The following GRM7 variants were observed in gnomAD, a reference collection of about 807,000 sequenced individuals.
GRM7 encodes the protein glutamate metabotropic receptor 7.
Under a neutral mutation model 84.5 loss-of-function variants are expected in GRM7, and 35 were observed. The ratio of observed to expected loss-of-function variants is 0.41; its 90% confidence interval spans 0.32 to 0.55. GRM7 has a LOEUF of 0.55. Among genes scored for constraint, GRM7 ranks in the 20% least tolerant of loss-of-function variants. The pLI is 0.19. For synonymous variants in GRM7, 487 were observed against 455.1 expected, an observed-to-expected ratio of 1.07 and a Z score of -0.89; for missense variants, 1,003 against 1,194.6, an observed-to-expected ratio of 0.84 and a Z score of 2.36.
chr3:7,002,397 C>A (rs1267074481), intron 1 of GRM7, among the ~76,000 whole-genome samples: 3 of 152,078 alleles, frequency 2.0e-5, no homozygotes, highest in Admixed American at 6.6e-5. Context: ...TCCTATGTAC[C>A]ATTTAATAGA....
chr3:6,892,813 A>G (rs76908456), intron 1 of GRM7: 1,692 of 152,268 alleles, frequency 0.011, 12 homozygotes, highest in Middle Eastern at 0.054. Flanking sequence ...TGTCTTTGTT[A>G]CTTGAGGCTA....
rs201304706 is a variant in GRM7 at position 7,099,411 on chromosome 3, ATAT to A, written c.520-47037_520-47035del. Among the ~76,000 whole-genome samples, 393 of 148,824 alleles carry A rather than the reference ATAT, an allele frequency of 2.6e-3. 6 individuals are homozygous for A. The East Asian group carries it at 0.05, about 19-fold the overall frequency. ...TATACATTATATACATACATAATAC[ATAT>A]TATGCATGTATATACGTATACATTA... On this transcript the variant is annotated intron_variant, in intron 1 of 9. Coordinates refer to ENST00000357716, the MANE Select transcript of GRM7 (RefSeq NM_000844.4).
chr3:7,504,957 A>G (rs1201203816), intron 7 of GRM7, among the ~76,000 whole-genome samples: 1 of 152,190 alleles, frequency 6.6e-6, no homozygotes, highest in African/African-American at 2.4e-5. Context: ...GACTCAAGGT[A>G]TGATTCATCC....
intron 1 of GRM7, among the ~76,000 whole-genome samples, chr3:7,046,102 A>T (rs1236384244): frequency 1.3e-5 from 2 of 152,088 alleles, no homozygotes; most frequent in African/African-American, 4.8e-5. Context: ...GCTTGGGTTG[A>T]CTTTCCCTGA....
intron 2 of GRM7, among the ~76,000 whole-genome samples, chr3:7,237,627 T>A (rs1283676433): frequency 1.3e-5 from 2 of 152,086 alleles, no homozygotes; most frequent in Non-Finnish European, 2.9e-5. Flanking sequence ...GCCGCAGACC[T>A]TTGCAGTGAG....
intron 2 of GRM7, among the ~76,000 whole-genome samples, chr3:7,215,762 G>T (rs1392849264): frequency 2.0e-5 from 3 of 152,112 alleles, no homozygotes; most frequent in African/African-American, 4.8e-5. Context: ...AATGTCTTAT[G>T]GGTCTTAAAG....
chr3:7,048,878 C>G (rs982262738), intron 1 of GRM7, among the ~76,000 whole-genome samples: 5 of 151,886 alleles, frequency 3.3e-5, no homozygotes, highest in Admixed American at 2.6e-4. Context: ...CCCCCGGTAA[C>G]CACCATTCTG....
intron 7 of GRM7, among the ~76,000 whole-genome samples, chr3:7,536,101 C>T (rs1701232189): frequency 6.6e-6 from 1 of 152,108 alleles, no homozygotes; most frequent in Non-Finnish European, 1.5e-5. Context: ...CTCCTAGTAC[C>T]AAAAGTGTGT....
intron 7 of GRM7, among the ~76,000 whole-genome samples, chr3:7,488,145 C>G (rs567561902): frequency 6.6e-6 from 1 of 152,068 alleles, no homozygotes; most frequent in African/African-American, 2.4e-5. Flanking sequence ...GAATATTTAC[C>G]CTATGCCTGT....
In GRM7 at chr3:7,679,307, T is replaced by C. The variant is rs555432353; in HGVS notation, c.2452-742T>C. On this transcript the variant is annotated intron_variant, in intron 8 of 9. Transcript: ENST00000357716. ...AACCCTGGGAAGGCAAGACAGGGGA[T>C]CAGGGGGTCAGGGAGTTGGGAAATA... Among the ~76,000 whole-genome samples the C allele has an allele frequency of 2.0e-5, 3 of 152,262 alleles. No homozygotes were observed. The South Asian group carries it at 6.2e-4, about 32-fold the overall frequency.
chr3:7,653,180 CTTTTTTTTTTT>C (rs1218949173), intron 8 of GRM7, among the ~76,000 whole-genome samples: 1 of 89,520 alleles, frequency 1.1e-5, no homozygotes, highest in South Asian at 4.3e-4. Context: ...ATACTATATC[CTTTTTTTTTTT>C]TTTTTTTTTT....
chr3:6,997,611 T>C (rs1484511544), intron 1 of GRM7, among the ~76,000 whole-genome samples: 1 of 152,166 alleles, frequency 6.6e-6, no homozygotes, highest in Non-Finnish European at 1.5e-5. Context: ...ATGTGGGGAT[T>C]ATGGGAACTA....
rs547142455 is a variant in GRM7, at chr3:7,562,745, C to G, written c.1516-15677C>G. Among the ~76,000 whole-genome samples, 422 of 152,190 alleles carry G rather than the reference C, an allele frequency of 2.8e-3. 4 individuals are homozygous for G. Among genetic ancestry groups the G allele is most frequent in the African/African-American group, 9.5e-3 (396 of 41,534 alleles). ...CTATACTCAAATGGATTAGAAAGCACTAGATTAAATCAAGGAGGCCTCATT... is the reference window on the plus strand; with the variant it reads ...CTATACTCAAATGGATTAGAAAGCAGTAGATTAAATCAAGGAGGCCTCATT... On this transcript the variant is annotated intron_variant, in intron 7 of 9. Transcript: ENST00000357716.
At chr3:7,322,019 A>G (rs1700802564) in intron 4 of GRM7, among the ~76,000 whole-genome samples, 2 of 152,122 alleles carry the variant, frequency 1.3e-5, no homozygotes, top group Non-Finnish European at 2.9e-5. Context: ...AACATCGTCA[A>G]TGGTAAAATA....
chr3:7,084,043 G>T (rs1374188805), intron 1 of GRM7, among the ~76,000 whole-genome samples: 1 of 152,086 alleles, frequency 6.6e-6, no homozygotes, highest in Admixed American at 6.6e-5. Context: ...ATAGAATTCA[G>T]TTTCTTCTCT....
At position 7,465,264 on chromosome 3, in the gene GRM7, A is replaced by T. The variant is rs3804966; in HGVS notation, c.1515+3542A>T. On this transcript the variant is annotated intron_variant, in intron 7 of 9. Transcript: ENST00000357716. ...TTATACTTGGTATTGCATGGGACCT[A>T]AAAGAGCGAATGACAACCATGAAGG... is the stretch of plus-strand genomic sequence containing the variant. 4.5e-3 allele frequency among the ~76,000 whole-genome samples: 686 copies of T among 152,216 alleles called. 5 individuals carry two copies. The highest frequency in any genetic ancestry group is 0.029 in the East Asian group (152 of 5,174).
chr3:7,138,349 G>A (rs1693837220), intron 1 of GRM7, among the ~76,000 whole-genome samples: 1 of 151,818 alleles, frequency 6.6e-6, no homozygotes, highest in Non-Finnish European at 1.5e-5. Context: ...CTATAGATGT[G>A]GTAGATCTTC....
intron 6 of GRM7, among the ~76,000 whole-genome samples, chr3:7,456,450 C>CT (rs36031229): frequency 0.66 from 96,153 of 146,480 alleles, 31,731 homozygotes; most frequent in Non-Finnish European, 0.73. Flanking sequence ...TTTTTTTTTC[C>CT]TTTTTTTTTT....
intron 2 of GRM7, among the ~76,000 whole-genome samples, chr3:7,216,421 T>C (rs574828117): frequency 1.3e-5 from 2 of 152,342 alleles, no homozygotes; most frequent in South Asian, 2.1e-4. Context: ...TTTTAAAACA[T>C]ATTTTATAAT....
Sources: gnomAD v4.1 joint callset for allele counts (sites outside exome capture counted in the v4.1 genomes callset) on GRCh38, gnomAD v4.1.1 for gene constraint, MANE v1.5 for transcripts, NCBI Gene and HGNC (gene_info 2026-07-23, HGNC 2026-07-21) for gene names.